The following FGF12 variants were observed in gnomAD, a reference collection of about 807,000 sequenced individuals.
The protein encoded by FGF12 is fibroblast growth factor 12B.
In FGF12, 14 loss-of-function variants were observed where a neutral mutation model predicts 23.6. The ratio of observed to expected loss-of-function variants is 0.59; its 90% CI spans 0.39 to 0.93. The LOEUF (loss-of-function observed/expected upper bound fraction) is 0.93, where lower values mean the gene tolerates loss of function less well. Ranked by LOEUF, FGF12 falls within the 40% of genes least tolerant of loss-of-function variation. The pLI, the probability that FGF12 is intolerant of heterozygous loss-of-function variation, is 0.00. For missense variants in FGF12, 175 were observed against 217.8 expected, an observed-to-expected ratio of 0.80 and a Z score of 1.24; for synonymous variants, 62 against 77.3, an observed-to-expected ratio of 0.80 and a Z score of 1.04.
At chr3:192,585,839 G>C (rs1342381401) in intron 2 of FGF12, among the ~76,000 whole-genome samples, 1 of 152,118 alleles carries the variant, frequency 6.6e-6, no homozygotes, top group Non-Finnish European at 1.5e-5. Context: ...CTTCACCGAT[G>C]AAACCCCATG....
Position 192,142,516 on chromosome 3 carries a change from G to C in FGF12, c.*1493C>G, listed in dbSNP as rs1713456224. 6.6e-6 allele frequency: 1 copy of C among 152,016 alleles called. No homozygotes were observed. Among genetic ancestry groups the C allele is most frequent in the Non-Finnish European group, 1.5e-5 (1 of 67,840 alleles). The allele number at this position is 152,016 out of a possible 1,614,324, so 9.4% of individuals were successfully genotyped here. A position where few individuals can be genotyped will look rare whatever the true frequency, so the allele number is the denominator to read the frequency against. ...TTGTGTTTTTTTTTCTTTAAATTTG[G>C]ATGTCTCTACACCACTCCTGATTTG... is the stretch of plus-strand genomic sequence containing the variant. On this transcript the variant is annotated 3_prime_UTR_variant, in exon 6 of 6. Coordinates refer to ENST00000445105, the MANE Select transcript of FGF12 (RefSeq NM_004113.6).
At chr3:192,499,070 C>T (rs1410562520) in intron 2 of FGF12, among the ~76,000 whole-genome samples, 1 of 152,050 alleles carries the variant, frequency 6.6e-6, no homozygotes, top group East Asian at 1.9e-4. Flanking sequence ...ATTTTTATCC[C>T]TGATATAGTC....
intron 2 of FGF12, among the ~76,000 whole-genome samples, chr3:192,467,307 T>C (rs1723039208): frequency 6.6e-6 from 1 of 152,214 alleles, no homozygotes; most frequent in Admixed American, 6.5e-5. Context: ...ATCAGTTTCC[T>C]TATTAACAAA....
At chr3:192,251,071 C>A (rs899551587) in intron 4 of FGF12, among the ~76,000 whole-genome samples, 2 of 152,044 alleles carry the variant, frequency 1.3e-5, no homozygotes, top group African/African-American at 2.4e-5. Flanking sequence ...TTAAGCTGAT[C>A]GTGAGTCAAT....
At chr3:192,461,906 C>T (rs1722875691) in intron 2 of FGF12, among the ~76,000 whole-genome samples, 1 of 151,920 alleles carries the variant, frequency 6.6e-6, no homozygotes, top group African/African-American at 2.4e-5. Context: ...AGGAGAATCG[C>T]TTGAACCCGG....
intron 2 of FGF12, among the ~76,000 whole-genome samples, chr3:192,689,947 G>T (rs2108718499): frequency 6.6e-6 from 1 of 152,040 alleles, no homozygotes; most frequent in East Asian, 1.9e-4. Context: ...TACCAATAAG[G>T]CCATTATAGA....
At chr3:192,365,175 T>C (rs1026625571) in intron 2 of FGF12, among the ~76,000 whole-genome samples, 2 of 152,012 alleles carry the variant, frequency 1.3e-5, no homozygotes, top group African/African-American at 4.8e-5. Flanking sequence ...GTGATTACTA[T>C]GCATCATAGG....
chr3:192,213,615 T>C (rs1718045288), intron 4 of FGF12, among the ~76,000 whole-genome samples: 1 of 152,188 alleles, frequency 6.6e-6, no homozygotes, highest in African/African-American at 2.4e-5. Context: ...TTAGATCCAG[T>C]CTAGCTCTCA....
rs975335518 is a variant in FGF12 at position 192,336,973 on chromosome 3, G to A, written c.125-1509C>T. 2.6e-5 allele frequency among the ~76,000 whole-genome samples: 4 copies of A among 152,076 alleles called. No individual in the cohort carries two copies. Among genetic ancestry groups the A allele is most frequent in the African/African-American group, 4.8e-5 (2 of 41,422 alleles). On this transcript the variant is annotated intron_variant, in intron 3 of 5. Transcript: ENST00000445105. This position sits in a 1 kb window ranked among gnomAD's most constrained non-coding sequence, Gnocchi z 4.3. The stretch of plus-strand genomic sequence containing the variant: ...TTTCCACATTTTTTACGAAAACTGA[G>A]ACTAGATAAGAAACTGTAAGTAGTT...
intron 3 of FGF12, among the ~76,000 whole-genome samples, chr3:192,349,560 T>A (rs1231553551): frequency 6.6e-6 from 1 of 152,110 alleles, no homozygotes; most frequent in Non-Finnish European, 1.5e-5. Context: ...TTGCTTATTT[T>A]AAGAAAATGA....
At chr3:192,640,611 C>G (rs928077299) in intron 2 of FGF12, among the ~76,000 whole-genome samples, 4 of 152,164 alleles carry the variant, frequency 2.6e-5, no homozygotes, top group Non-Finnish European at 5.9e-5. Context: ...AGTGTCCACA[C>G]AGTCAGCCCA....
chr3:192,447,874 A>T (rs1722405615), intron 2 of FGF12, among the ~76,000 whole-genome samples: 1 of 152,188 alleles, frequency 6.6e-6, no homozygotes. Context: ...AGCATCCCAA[A>T]GTCTCCTATA....
intron 2 of FGF12, among the ~76,000 whole-genome samples, chr3:192,604,726 C>G (rs1425060106): frequency 3.3e-5 from 5 of 152,094 alleles, no homozygotes; most frequent in African/African-American, 9.7e-5. Context: ...CATATGCAAC[C>G]ACAAAAGAGC....
chr3:192,512,241 G>C lies in FGF12; in HGVS notation c.14-151703C>G, dbSNP rs114859891. Among the ~76,000 whole-genome samples the C allele has an allele frequency of 4.7e-3, 714 of 151,938 alleles. 1 individual carries two copies. The highest frequency in any genetic ancestry group is 6.2e-3 in the Non-Finnish European group (424 of 67,934). On this transcript the variant is annotated intron_variant, in intron 2 of 5. Coordinates refer to ENST00000445105, the MANE Select transcript of FGF12 (RefSeq NM_004113.6). ...TCATCTGAGCTGTTTTTATACATTT[G>C]CTCTGTGAAAAAAAATGTTTGATAT... is the stretch of plus-strand genomic sequence containing the variant.
chr3:192,530,300 A>G (rs1725054493), intron 2 of FGF12, among the ~76,000 whole-genome samples: 2 of 152,212 alleles, frequency 1.3e-5, no homozygotes, highest in African/African-American at 4.8e-5. Context: ...TTTCATGTGT[A>G]CAATAGAGTG....
chr3:192,299,828 A>G (rs145439533), intron 4 of FGF12, among the ~76,000 whole-genome samples: 1 of 152,324 alleles, frequency 6.6e-6, no homozygotes, highest in Non-Finnish European at 1.5e-5. Flanking sequence ...TAAGGCACAA[A>G]ACACTGAGCC....
At chr3:192,171,234 GA>G (rs991983328) in intron 4 of FGF12, among the ~76,000 whole-genome samples, 17 of 151,840 alleles carry the variant, frequency 1.1e-4, no homozygotes, top group African/African-American at 3.9e-4. Context: ...AGGAATAATA[GA>G]AAAAAATTAC....
intron 4 of FGF12, among the ~76,000 whole-genome samples, chr3:192,191,708 C>T (rs189361907): frequency 1.1e-4 from 16 of 151,998 alleles, no homozygotes; most frequent in Admixed American, 6.5e-5. Context: ...TGGTGGCAGG[C>T]GCCTGTAGTC....
chr3:192,497,940 T>C (rs984416928), intron 2 of FGF12, among the ~76,000 whole-genome samples: 4 of 152,196 alleles, frequency 2.6e-5, no homozygotes, highest in Admixed American at 1.3e-4. Context: ...ACTGAATCTC[T>C]AGTAATTAAA....
Sources: gnomAD v4.1 joint callset for allele counts (sites outside exome capture counted in the v4.1 genomes callset) on GRCh38, gnomAD v4.1.1 for gene constraint, Gnocchi (gnomAD v3.1) non-coding constraint, MANE v1.5 for transcripts, NCBI Gene and HGNC (gene_info 2026-07-23, HGNC 2026-07-21) for gene names.